CDH13: variants seen among roughly 807,000 people sequenced by gnomAD.
The protein encoded by CDH13 is cadherin 13.
CDH13 carries 24 observed loss-of-function variants against 63.8 expected under a neutral mutation model. That is an observed-to-expected ratio of 0.38 (90% CI 0.27 to 0.53). The LOEUF is 0.53. CDH13 is among the 20% of genes least tolerant of loss of function. The probability of loss-of-function intolerance (pLI) is 0.85; values close to 1 mark genes in which losing one functional copy is unlikely to be tolerated. For missense variants in CDH13, 1,049 were observed against 903.1 expected (o/e 1.16, Z -2.07); for synonymous variants, 503 against 355.3 (o/e 1.42, Z -4.67).
intron 2 of CDH13, among the ~76,000 whole-genome samples, chr16:83,011,304 T>A (rs1914127654): frequency 6.6e-6 from 1 of 152,154 alleles, no homozygotes; most frequent in Non-Finnish European, 1.5e-5. Context: ...AATGATGACG[T>A]CATGCTTGCA....
At chr16:83,322,592 C>T (rs1216671249) in intron 5 of CDH13, among the ~76,000 whole-genome samples, 1 of 152,106 alleles carries the variant, frequency 6.6e-6, no homozygotes, top group East Asian at 1.9e-4. Flanking sequence ...CAGTATATAC[C>T]TGCACACAGT....
At chr16:83,180,433 A>T (rs888343607) in intron 4 of CDH13, among the ~76,000 whole-genome samples, 1 of 152,210 alleles carries the variant, frequency 6.6e-6, no homozygotes, top group Non-Finnish European at 1.5e-5. Flanking sequence ...TTTTACAAAA[A>T]TAGTGCCAAG....
intron 3 of CDH13, among the ~76,000 whole-genome samples, chr16:83,069,465 GC>G (rs1293689983): frequency 6.6e-6 from 1 of 152,026 alleles, no homozygotes; most frequent in Non-Finnish European, 1.5e-5. Context: ...GTATGTAACA[GC>G]CCCCCCTAAG....
chr16:83,735,109 G>A (rs910771682), intron 10 of CDH13, among the ~76,000 whole-genome samples: 2 of 152,106 alleles, frequency 1.3e-5, no homozygotes, highest in Admixed American at 6.5e-5. Context: ...CCAATAATAG[G>A]CTAGTCTCAC....
chr16:83,235,258 C>T (rs1387523172), intron 5 of CDH13, among the ~76,000 whole-genome samples: 2 of 152,116 alleles, frequency 1.3e-5, no homozygotes, highest in Non-Finnish European at 2.9e-5. Flanking sequence ...CAGGGAAGCA[C>T]CCTCCAATGC....
intron 11 of CDH13, among the ~76,000 whole-genome samples, chr16:83,763,056 C>T (rs1055525954): frequency 7.2e-5 from 11 of 152,188 alleles, no homozygotes; most frequent in Admixed American, 2.6e-4. Context: ...TTATCAAACG[C>T]GTCATATTCC....
chr16:83,617,754 A>G (rs1389002302), intron 8 of CDH13, among the ~76,000 whole-genome samples: 1 of 151,746 alleles, frequency 6.6e-6, no homozygotes, highest in Non-Finnish European at 1.5e-5. Context: ...ACATATCCTA[A>G]TATGCATATA....
chr16:82,733,751 A>C (rs141113941), intron 1 of CDH13, among the ~76,000 whole-genome samples: 1 of 152,372 alleles, frequency 6.6e-6, no homozygotes, highest in East Asian at 1.9e-4. Flanking sequence ...TATAAATGGC[A>C]AAAGGAACTG....
intron 1 of CDH13, among the ~76,000 whole-genome samples, chr16:82,851,271 T>C (rs530855379): frequency 6.6e-6 from 1 of 151,838 alleles, no homozygotes; most frequent in Admixed American, 6.6e-5. Flanking sequence ...CCGTCACTAC[T>C]AAAAATACAA....
intron 5 of CDH13, among the ~76,000 whole-genome samples, chr16:83,269,264 C>A (rs1340897989): frequency 6.6e-6 from 1 of 152,160 alleles, no homozygotes; most frequent in Non-Finnish European, 1.5e-5. Flanking sequence ...GGCCCCTCCC[C>A]AGAACTCCTG....
chr16:83,364,964 C>G (rs532513864), intron 6 of CDH13, among the ~76,000 whole-genome samples: 1 of 152,084 alleles, frequency 6.6e-6, no homozygotes, highest in African/African-American at 2.4e-5. Context: ...CTAAGGCATG[C>G]GGGGCTTAAA....
intron 7 of CDH13, among the ~76,000 whole-genome samples, chr16:83,549,207 G>A (rs1332811438): frequency 6.6e-6 from 1 of 152,094 alleles, no homozygotes; most frequent in Non-Finnish European, 1.5e-5. Flanking sequence ...GGAGTCCTTG[G>A]GTCTCACCTG....
intron 6 of CDH13, among the ~76,000 whole-genome samples, chr16:83,479,042 T>G (rs1189015675): frequency 6.6e-6 from 1 of 152,182 alleles, no homozygotes; most frequent in Non-Finnish European, 1.5e-5. Flanking sequence ...ATCAGGTTGG[T>G]TGGTTATCTT....
At chr16:83,502,700 A>G (rs560579209) in intron 7 of CDH13, among the ~76,000 whole-genome samples, 10 of 151,862 alleles carry the variant, frequency 6.6e-5, no homozygotes, top group African/African-American at 2.4e-4. Context: ...AAGTACATTA[A>G]CTCTTGGGCA....
chr16:82,901,801 G>T (rs1274933728), intron 2 of CDH13, among the ~76,000 whole-genome samples: 9 of 152,144 alleles, frequency 5.9e-5, no homozygotes, highest in Non-Finnish European at 1.3e-4. Context: ...AAAAGACAAA[G>T]GTCTTGCCCT....
intron 6 of CDH13, among the ~76,000 whole-genome samples, chr16:83,411,557 A>G (rs1180762716): frequency 1.3e-5 from 2 of 152,200 alleles, no homozygotes; most frequent in Non-Finnish European, 2.9e-5. Flanking sequence ...TTTAAAAAAT[A>G]AATATTGAGA....
intron 1 of CDH13, among the ~76,000 whole-genome samples, chr16:82,698,066 G>A (rs1358876551): frequency 1.3e-5 from 2 of 152,168 alleles, no homozygotes. Context: ...ATGAATGAAT[G>A]AATGAATGAG....
intron 3 of CDH13, among the ~76,000 whole-genome samples, chr16:83,124,898 C>T (rs1685546398): frequency 6.6e-6 from 1 of 152,078 alleles, no homozygotes; most frequent in African/African-American, 2.4e-5. Flanking sequence ...TATACCAGTA[C>T]CATCCTGTTT....
chr16:83,003,100 T>G (rs1913107920), intron 2 of CDH13, among the ~76,000 whole-genome samples: 1 of 152,224 alleles, frequency 6.6e-6, no homozygotes. Context: ...CCAACCCCAG[T>G]GTCCTTTCCC....
Sources: allele counts gnomAD v4.1 joint callset (sites outside exome capture counted in the v4.1 genomes callset), GRCh38; gene constraint gnomAD v4.1.1; transcripts MANE v1.5; gene names NCBI Gene and HGNC (gene_info 2026-07-23, HGNC 2026-07-21).